Variants in PPP2R2B observed in about 807,000 individuals in gnomAD.
PPP2R2B encodes serine/threonine-protein phosphatase 2A 55 kDa regulatory subunit B beta isoform.
Under a neutral mutation model 46.0 loss-of-function variants are expected in PPP2R2B, and 5 were observed. The observed-to-expected ratio is 0.11, with a 90% CI of 0.06 to 0.23. The LOEUF (loss-of-function observed/expected upper bound fraction) is 0.23, where lower values mean the gene tolerates loss of function less well. PPP2R2B is among the 10% of genes least tolerant of loss of function. The probability of loss-of-function intolerance (pLI) is 1.00; values close to 1 mark genes in which losing one functional copy is unlikely to be tolerated. For missense variants in PPP2R2B, 367 were observed against 575.0 expected (o/e 0.64, Z 3.70); for synonymous variants, 215 against 206.7 (o/e 1.04, Z -0.34).
chr5:146,756,563 G>A (rs142785050), intron 2 of PPP2R2B, among the ~76,000 whole-genome samples: 1 of 152,184 alleles, frequency 6.6e-6, no homozygotes, highest in African/African-American at 2.4e-5. Flanking sequence ...CCTCTGGGAT[G>A]CCTGGGTTTG....
At chr5:146,929,171 C>T (rs74722610) in intron 1 of PPP2R2B, among the ~76,000 whole-genome samples, 5,137 of 152,260 alleles carry the variant, frequency 0.034, 274 homozygotes, top group African/African-American at 0.12. Context: ...ATCCCTCTCA[C>T]TCATTCCCAC....
At chr5:147,054,372 C>G (rs1364453135) in intron 1 of PPP2R2B, among the ~76,000 whole-genome samples, 4 of 152,018 alleles carry the variant, frequency 2.6e-5, no homozygotes, top group Non-Finnish European at 4.4e-5. Flanking sequence ...TCCTCTCATC[C>G]CCTCAATATG....
At chr5:147,079,863 A>C (rs1358494311) in intron 2 of PPP2R2B, among the ~76,000 whole-genome samples, 2 of 152,154 alleles carry the variant, frequency 1.3e-5, no homozygotes, top group Non-Finnish European at 2.9e-5. Flanking sequence ...ATAAATGATA[A>C]ATATATGAGG....
At chr5:146,825,887 G>C (rs1019592891) in intron 2 of PPP2R2B, among the ~76,000 whole-genome samples, 9 of 152,170 alleles carry the variant, frequency 5.9e-5, no homozygotes, top group African/African-American at 2.2e-4. Context: ...ATTCTTGACA[G>C]AGCATTAATA....
chr5:146,582,352 A>G lies in PPP2R2B; in HGVS notation c.*7595T>C, dbSNP rs1004895054. 1 of 152,236 alleles carries G rather than the reference A, an allele frequency of 6.6e-6. No homozygotes were observed. Among genetic ancestry groups the G allele is most frequent in the African/African-American group, 2.4e-5 (1 of 41,458 alleles). The allele number at this position is 152,236 out of a possible 1,614,324, so 9.4% of individuals were successfully genotyped here. A position where few individuals can be genotyped will look rare whatever the true frequency, so the allele number is the denominator to read the frequency against. On this transcript the variant is annotated 3_prime_UTR_variant, in exon 10 of 10. Coordinates refer to ENST00000394411, the MANE Select transcript of PPP2R2B (RefSeq NM_181675.4). ...AATGTTGCTTCCTGCATCAGTGAAC[A>G]TGGTATTGATTGTAAGCTGTCAACC...
chr5:147,000,396 C>T (rs1309577618), intron 1 of PPP2R2B, among the ~76,000 whole-genome samples: 3 of 152,098 alleles, frequency 2.0e-5, no homozygotes, highest in African/African-American at 7.2e-5. Flanking sequence ...AGAGAAAAAG[C>T]TCCGGAGCCA....
At chr5:146,934,271 T>C (rs1322781193) in intron 1 of PPP2R2B, among the ~76,000 whole-genome samples, 1 of 151,662 alleles carries the variant, frequency 6.6e-6, no homozygotes, top group Admixed American at 6.6e-5. Flanking sequence ...ACTTCCACAA[T>C]GGTTGAACTA....
intron 2 of PPP2R2B, among the ~76,000 whole-genome samples, chr5:146,765,999 A>C (rs574076281): frequency 6.6e-6 from 1 of 152,346 alleles, no homozygotes; most frequent in South Asian, 2.1e-4. Context: ...TCTGGTGATT[A>C]AAGAATTAAG....
At position 146,712,164 on chromosome 5, in the gene PPP2R2B, A is replaced by C. The variant is rs189368404; in HGVS notation, c.71-11022T>G. Among the ~76,000 whole-genome samples the C allele has an allele frequency of 2.2e-4, 34 of 152,302 alleles. 1 individual carries two copies. In the East Asian group the frequency reaches 6.4e-3, roughly 29 times the overall value. Reference sequence around the variant, plus strand: ...TATTATTATGTTACGATGGTTTTTCAAGGGTCTTAGCAAATAAAATGGAAA... The same window carrying C: ...TATTATTATGTTACGATGGTTTTTCCAGGGTCTTAGCAAATAAAATGGAAA... On this transcript the variant is annotated intron_variant, in intron 2 of 9. Coordinates refer to ENST00000394411, the MANE Select transcript of PPP2R2B (RefSeq NM_181675.4).
At chr5:146,812,480 GTATATATA>G (rs1310307845) in intron 2 of PPP2R2B, among the ~76,000 whole-genome samples, 1 of 48,334 alleles carries the variant, frequency 2.1e-5, no homozygotes, top group Non-Finnish European at 4.3e-5. Flanking sequence ...AGTGATAGCA[GTATATATA>G]TATATACTGT....
intron 1 of PPP2R2B, among the ~76,000 whole-genome samples, chr5:146,942,459 T>A (rs1197740678): frequency 6.6e-6 from 1 of 152,212 alleles, no homozygotes; most frequent in African/African-American, 2.4e-5. Flanking sequence ...GTGCAAATTA[T>A]AACAAATGAT....
chr5:146,669,868 T>C (rs543058910), intron 5 of PPP2R2B, among the ~76,000 whole-genome samples: 49 of 152,194 alleles, frequency 3.2e-4, no homozygotes, highest in African/African-American at 1.1e-3. Flanking sequence ...GTCAATACCA[T>C]GGCATTTTTT....
chr5:146,736,748 C>T (rs2151214726), intron 2 of PPP2R2B, among the ~76,000 whole-genome samples: 1 of 152,288 alleles, frequency 6.6e-6, no homozygotes, highest in East Asian at 1.9e-4. Context: ...ATTAATACCA[C>T]CATGAGGGCA....
intron 2 of PPP2R2B, among the ~76,000 whole-genome samples, chr5:147,072,251 G>A (rs1270944371): frequency 3.9e-5 from 6 of 152,218 alleles, no homozygotes; most frequent in Admixed American, 2.6e-4. Context: ...TATGTCCTAT[G>A]GGTTATAAGA....
chr5:146,829,950 T>C (rs942354411), intron 2 of PPP2R2B, among the ~76,000 whole-genome samples: 7 of 152,198 alleles, frequency 4.6e-5, no homozygotes, highest in Non-Finnish European at 1.0e-4. Flanking sequence ...CTTTTGAAGT[T>C]GGTAAGCCTG....
At chr5:146,938,858 G>A (rs1309018192) in intron 1 of PPP2R2B, among the ~76,000 whole-genome samples, 1 of 134,596 alleles carries the variant, frequency 7.4e-6, no homozygotes, top group African/African-American at 2.8e-5. Context: ...TCAGCTCACT[G>A]CAACCTCCAC....
chr5:147,014,695 A>G (rs1305988029), intron 1 of PPP2R2B, among the ~76,000 whole-genome samples: 2 of 140,358 alleles, frequency 1.4e-5, no homozygotes, highest in East Asian at 4.6e-4. Context: ...ATGAGAACAC[A>G]TGGACACAGG....
At chr5:146,878,979 C>G (rs375324860), upstream of PPP2R2B, 1 of 1,076,120 alleles carries the variant, frequency 9.3e-7, no homozygotes, top group Non-Finnish European at 1.2e-6. This position sits in a 1 kb window ranked among gnomAD's most constrained non-coding sequence, Gnocchi z 4.5. Context: ...ACCTCCTCCC[C>G]TCTCGCGCCA....
intron 2 of PPP2R2B, among the ~76,000 whole-genome samples, chr5:146,851,286 AATATTTACTGAGC>A (rs1760333862): frequency 6.6e-6 from 1 of 152,130 alleles, no homozygotes; most frequent in Admixed American, 6.5e-5. Flanking sequence ...ACATTTAACA[AATATTTACTGAGC>A]ATATTTACTA....
Sources: allele counts gnomAD v4.1 joint callset (sites outside exome capture counted in the v4.1 genomes callset), GRCh38; gene constraint gnomAD v4.1.1; non-coding constraint Gnocchi (gnomAD v3.1); transcripts MANE v1.5; gene names NCBI Gene and HGNC (gene_info 2026-07-23, HGNC 2026-07-21).